BDH1: variants seen among roughly 807,000 people sequenced by gnomAD.
BDH1 encodes the protein 3-hydroxybutyrate dehydrogenase 1, also known as D-beta-hydroxybutyrate dehydrogenase, mitochondrial.
Under a neutral mutation model 33.1 loss-of-function variants are expected in BDH1, and 30 were observed. That is an observed-to-expected ratio of 0.91 (90% CI 0.68 to 1.23). The LOEUF is 1.23. BDH1 is among the 50% of genes most tolerant of loss of function. The pLI, the probability that BDH1 is intolerant of heterozygous loss-of-function variation, is 0.00. For missense variants in BDH1, 443 were observed against 464.4 expected (o/e 0.95, Z 0.42); for synonymous variants, 190 against 183.6 (o/e 1.03, Z -0.28).
intron 1 of BDH1, among the ~76,000 whole-genome samples, chr3:197,561,271 A>C (rs1451072007): frequency 1.3e-5 from 2 of 152,016 alleles, no homozygotes; most frequent in African/African-American, 4.8e-5. Flanking sequence ...CTGGGAGCAC[A>C]CCCTCCAGAG....
At chr3:197,552,452 T>G (rs1716654521) in intron 2 of BDH1, among the ~76,000 whole-genome samples, 1 of 152,214 alleles carries the variant, frequency 6.6e-6, no homozygotes, top group Admixed American at 6.5e-5. Flanking sequence ...AGCCAAAATC[T>G]AGAGTTTGCC....
intron 3 of BDH1, among the ~76,000 whole-genome samples, chr3:197,539,796 G>A (rs1194578589): frequency 6.6e-6 from 1 of 152,170 alleles, no homozygotes; most frequent in African/African-American, 2.4e-5. Flanking sequence ...TCAACACTCT[G>A]TCACTGGCCT....
In BDH1 at chr3:197,512,043, G is replaced by A. The variant is rs759819465; in HGVS notation, c.884C>T (p.Thr295Met). ...ETYCSSGSTD[T>M]SPVIDAVTHA... ...TGTGACAGCATCGATGACAGGGGAC[G>A]TGTCTGTGGAGCCACTGCTGCAGTA... The change falls in exon 8 of 8, where the codon ACG becomes ATG. Residue 295 changes from threonine (T) to methionine (M), a missense_variant. Coordinates refer to ENST00000392379, the MANE Select transcript of BDH1 (RefSeq NM_203314.3). The A allele has an allele frequency of 9.9e-6, 16 of 1,614,072 alleles. No homozygotes were observed. The highest frequency in any genetic ancestry group is 3.3e-5 in the South Asian group (3 of 91,092).
At chr3:197,524,727 G>A (rs1353374648) in intron 5 of BDH1, among the ~76,000 whole-genome samples, 1 of 151,572 alleles carries the variant, frequency 6.6e-6, no homozygotes, top group African/African-American at 2.4e-5. Context: ...TTGTTTGGAG[G>A]TAGGAGGGAT....
At chr3:197,515,433 C>A (rs376770971) in intron 6 of BDH1, 29 of 985,684 alleles carry the variant, frequency 2.9e-5, no homozygotes, top group Non-Finnish European at 3.5e-5. Context: ...TCCCTGCAGA[C>A]GCGCCCTGAG....
intron 6 of BDH1, chr3:197,515,778 C>T (rs1236658809): frequency 7.3e-6 from 7 of 958,352 alleles, no homozygotes; most frequent in Middle Eastern, 5.3e-4. Context: ...GTGGCGGGCA[C>T]CTGTAGTCCC....
At chr3:197,541,192 G>A (rs775513237) in intron 3 of BDH1, among the ~76,000 whole-genome samples, 3 of 152,178 alleles carry the variant, frequency 2.0e-5, no homozygotes, top group Admixed American at 2.0e-4. Context: ...AGCACTTGGG[G>A]AGCTTGTTAA....
chr3:197,541,015 CT>C (rs1715577089), intron 3 of BDH1, among the ~76,000 whole-genome samples: 1 of 152,192 alleles, frequency 6.6e-6, no homozygotes. Context: ...TCGGCCTTTC[CT>C]TCTTGGCCAC....
At chr3:197,513,494 A>C (rs11919153) in intron 7 of BDH1, among the ~76,000 whole-genome samples, 152 of 129,508 alleles carry the variant, frequency 1.2e-3, no homozygotes, top group African/African-American at 1.8e-3. Context: ...CCGGGAGGGC[A>C]CTCAGCCCAT....
intron 2 of BDH1, among the ~76,000 whole-genome samples, chr3:197,549,008 C>T (rs1716336007): frequency 6.6e-6 from 1 of 152,180 alleles, no homozygotes. Context: ...AGCTGTCTGC[C>T]ATCTTCATGT....
rs944078218 is a variant in BDH1, at chr3:197,520,863, A to G, written c.409+1777T>C. The stretch of plus-strand genomic sequence containing the variant: ...AATGGGCTGGCTCTGCCTGTTAATT[A>G]TTAAACAGATGTTCAGCGAGAACAG... On this transcript the variant is annotated intron_variant, in intron 6 of 7. Transcript: ENST00000392379. This position sits in a 1 kb window ranked among gnomAD's most constrained non-coding sequence, Gnocchi z 6.0. Among the ~76,000 whole-genome samples the G allele has an allele frequency of 3.4e-4, 51 of 152,230 alleles. No individual in the cohort carries two copies. Among genetic ancestry groups the G allele is most frequent in the Admixed American group, 7.9e-4 (12 of 15,280 alleles).
chr3:197,543,173 A>C (rs990116895), intron 3 of BDH1: 1 of 985,252 alleles, frequency 1.0e-6, no homozygotes, highest in African/African-American at 1.7e-5. Context: ...ATCTAACAAG[A>C]CGGGGCTTAG....
At chr3:197,544,142 G>A (rs749879931) in intron 3 of BDH1, among the ~76,000 whole-genome samples, 1 of 152,060 alleles carries the variant, frequency 6.6e-6, no homozygotes, top group Non-Finnish European at 1.5e-5. Flanking sequence ...TCCCTCTGAG[G>A]GACTGTGGGA....
Position 197,554,923 on chromosome 3 carries a change from G to A in BDH1, c.-195-210C>T, listed in dbSNP as rs1256103583. On this transcript the variant is annotated intron_variant, in intron 1 of 7. Transcript: ENST00000392379. The surrounding 1 kb of genome is among the most constrained non-coding windows in gnomAD (Gnocchi z 4.4). ...AGAGCGCGAGAACGCCCGAGACGGC[G>A]GCGCAGCCAATCCCAGAGCAGCGCT... Among the ~76,000 whole-genome samples the A allele has an allele frequency of 6.6e-6, 1 of 152,254 alleles. No individual in the cohort carries two copies. The highest frequency in any genetic ancestry group is 1.9e-4 in the East Asian group (1 of 5,202).
chr3:197,567,763 G>A (rs923391318), intron 1 of BDH1, among the ~76,000 whole-genome samples: 9 of 152,146 alleles, frequency 5.9e-5, no homozygotes, highest in Non-Finnish European at 1.0e-4. Context: ...TTTATGGAGG[G>A]AAATGAAGCA....
In BDH1 at chr3:197,571,268, C is replaced by T. The variant is rs116599335; in HGVS notation, c.-44+1913G>A. Among the ~76,000 whole-genome samples, 206 of 152,196 alleles carry T rather than the reference C, an allele frequency of 1.4e-3. 1 individual carries two copies. Among genetic ancestry groups the T allele is most frequent in the African/African-American group, 4.5e-3 (187 of 41,536 alleles). ...TAAGTGGAAGAGACTTGCCTTATCT[C>T]GGGTAAGACTTTGGACTGTGGACTT... On this transcript the variant is annotated intron_variant, in intron 1 of 6. Coordinates refer to the BDH1 transcript ENST00000358186.
chr3:197,554,178 C>A lies in BDH1; in HGVS notation c.-44+384G>T, dbSNP rs376066471. Among the ~76,000 whole-genome samples, 3 of 152,324 alleles carry A rather than the reference C, an allele frequency of 2.0e-5. No homozygotes were observed. The highest frequency in any genetic ancestry group is 7.2e-5 in the African/African-American group (3 of 41,574). On this transcript the variant is annotated intron_variant, in intron 2 of 7. Transcript: ENST00000392379. The surrounding 1 kb of genome is among the most constrained non-coding windows in gnomAD (Gnocchi z 4.4). ...TCCTAGCTGGTTCAGATAACTCTCC[C>A]GAGCAGCCTTTTCTAATCCCCTAAT...
In BDH1 at chr3:197,512,313, C is replaced by A. The variant is rs749172620; in HGVS notation, c.614G>T (p.Arg205Leu). The A allele has an allele frequency of 1.2e-6, 2 of 1,611,408 alleles. No individual in the cohort carries two copies. The highest frequency in any genetic ancestry group is 8.5e-7 in the Non-Finnish European group (1 of 1,179,960). The stretch of plus-strand genomic sequence containing the variant: ...GAACTTGGTGATGCAGTACGGGGAG[C>A]GGGCCGGGTTGGCCATGCGGCCCAG... ...SMLGRMANPA[R>L]SPYCITKFGV... is the part of the protein sequence containing the mutation. Residue 205 changes from arginine to leucine, a missense_variant, in exon 8 of 8, where the codon CGC becomes CTC. Arg to Leu is a moderately radical substitution (Grantham distance 102). Transcript: ENST00000392379.
chr3:197,573,193 G>A (rs1207468115), exon 1 of BDH1: 2 of 152,164 alleles, frequency 1.3e-5, no homozygotes, highest in Non-Finnish European at 2.9e-5. Context: ...TAGCTGGCAG[G>A]TGCCTCAGCA....
Sources: gnomAD v4.1 joint callset for allele counts (sites outside exome capture counted in the v4.1 genomes callset) on GRCh38, gnomAD v4.1.1 for gene constraint, Gnocchi (gnomAD v3.1) non-coding constraint, MANE v1.5 for transcripts, NCBI Gene and HGNC (gene_info 2026-07-23, HGNC 2026-07-21) for gene names.